The following SOX6 variants were observed in gnomAD, a reference collection of about 807,000 sequenced individuals.
The protein encoded by SOX6 is SRY-box transcription factor 6.
SOX6 carries 11 observed loss-of-function variants against 97.8 expected under a neutral mutation model. The observed-to-expected ratio is 0.11, with a 90% CI of 0.07 to 0.19. SOX6 has a LOEUF of 0.19. Among genes scored for constraint, SOX6 ranks in the 10% least tolerant of loss-of-function variants. SOX6 has a pLI of 1.00. For missense variants in SOX6, 810 were observed against 1,039.5 expected (o/e 0.78, Z 3.04); for synonymous variants, 360 against 371.4 (o/e 0.97, Z 0.35).
intron 3 of SOX6, among the ~76,000 whole-genome samples, chr11:16,711,170 T>G (rs905595254): frequency 2.6e-5 from 4 of 152,178 alleles, no homozygotes; most frequent in Admixed American, 6.5e-5. Flanking sequence ...CTCCAATCCA[T>G]TCTCCATACT....
chr11:16,637,540 T>G (rs1415554493), intron 3 of SOX6, among the ~76,000 whole-genome samples: 1 of 152,160 alleles, frequency 6.6e-6, no homozygotes, highest in African/African-American at 2.4e-5. Context: ...TCAAAATAAA[T>G]TTATTAAACT....
At chr11:16,255,451 A>T (rs924901947) in intron 3 of SOX6, among the ~76,000 whole-genome samples, 1 of 152,156 alleles carries the variant, frequency 6.6e-6, no homozygotes, top group African/African-American at 2.4e-5. Flanking sequence ...ACAGAATGAT[A>T]GCTGGAATAA....
At chr11:15,976,345 T>C (rs2119790041) in intron 15 of SOX6, among the ~76,000 whole-genome samples, 1 of 152,302 alleles carries the variant, frequency 6.6e-6, no homozygotes, top group South Asian at 2.1e-4. Context: ...CTAATTATTA[T>C]CACTGACATT....
At chr11:16,682,360 C>T (rs543481143) in intron 3 of SOX6, among the ~76,000 whole-genome samples, 6 of 152,280 alleles carry the variant, frequency 3.9e-5, no homozygotes, top group South Asian at 2.1e-4. Flanking sequence ...CAAACCAAAT[C>T]CAGCAGCATA....
chr11:16,318,377 T>G, intron 3 of SOX6, 69 bp downstream of exon 3: 1 of 1,559,100 alleles, frequency 6.4e-7, no homozygotes. Flanking sequence ...TCCCACTTTT[T>G]TTTTTTTTTT....
intron 3 of SOX6, among the ~76,000 whole-genome samples, chr11:16,673,857 A>G (rs1490210807): frequency 1.3e-5 from 2 of 152,306 alleles, no homozygotes; most frequent in African/African-American, 4.8e-5. Flanking sequence ...AGAATCCTCA[A>G]CAAAATACTG....
Position 16,146,456 on chromosome 11 carries a change from G to T in SOX6, c.778-34533C>A, listed in dbSNP as rs567220811. Reference sequence around the variant, plus strand: ...CATAGGCATGGGCAAGGACTTCATGGCTAAAACACCAAAAGCAATGGCAAC... The same window carrying T: ...CATAGGCATGGGCAAGGACTTCATGTCTAAAACACCAAAAGCAATGGCAAC... On this transcript the variant is annotated intron_variant, in intron 6 of 15. Coordinates refer to ENST00000683767, the MANE Select transcript of SOX6 (RefSeq NM_001367873.1). Among the ~76,000 whole-genome samples, 233 of 152,136 alleles carry T rather than the reference G, an allele frequency of 1.5e-3. 1 individual carries two copies. Among genetic ancestry groups the T allele is most frequent in the African/African-American group, 5.3e-3 (218 of 41,514 alleles).
chr11:16,142,000 G>A (rs1850156105), intron 6 of SOX6, among the ~76,000 whole-genome samples: 1 of 152,144 alleles, frequency 6.6e-6, no homozygotes, highest in Non-Finnish European at 1.5e-5. Flanking sequence ...GCTTTGAAGA[G>A]AGTAGTGGTT....
chr11:16,411,911 A>T (rs1590193458), intron 1 of SOX6, among the ~76,000 whole-genome samples: 1 of 152,330 alleles, frequency 6.6e-6, no homozygotes, highest in South Asian at 2.1e-4. Context: ...AAGGATTAAC[A>T]TATGAAAATG....
intron 1 of SOX6, among the ~76,000 whole-genome samples, chr11:16,452,011 TA>T (rs1254544839): frequency 2.7e-5 from 4 of 147,672 alleles, no homozygotes; most frequent in East Asian, 4.0e-4. Context: ...AATAAATAAA[TA>T]AAATAAAATT....
chr11:15,978,710 G>T (rs547208790), intron 15 of SOX6, among the ~76,000 whole-genome samples: 3 of 145,940 alleles, frequency 2.1e-5, no homozygotes, highest in Non-Finnish European at 4.5e-5. Flanking sequence ...TAAGCCCTTC[G>T]CTCCTAAATT....
intron 4 of SOX6, among the ~76,000 whole-genome samples, chr11:16,218,351 A>G (rs1398887711): frequency 2.0e-5 from 3 of 152,274 alleles, no homozygotes; most frequent in Non-Finnish European, 2.9e-5. Context: ...ACTAGTTACA[A>G]TACAAGCTAC....
chr11:16,186,556 A>G (rs1851482001), intron 5 of SOX6, among the ~76,000 whole-genome samples: 1 of 152,168 alleles, frequency 6.6e-6, no homozygotes. Context: ...ACAATGTATC[A>G]TTTTAGTTAT....
intron 3 of SOX6, among the ~76,000 whole-genome samples, chr11:16,289,663 T>G (rs1296337583): frequency 2.6e-5 from 4 of 151,856 alleles, no homozygotes; most frequent in Admixed American, 2.6e-4. Flanking sequence ...AATGACAAAC[T>G]CCTAGAAAAC....
At position 16,607,988 on chromosome 11, in the gene SOX6, G is replaced by T. The variant is rs1301591327; in HGVS notation, n.609+4093C>A. 6.6e-6 allele frequency among the ~76,000 whole-genome samples: 1 copy of T among 152,050 alleles called. No homozygotes were observed. Among genetic ancestry groups the T allele is most frequent in the African/African-American group, 2.4e-5 (1 of 41,388 alleles). ...ATCGGCGAGACCAGAGGTTGGAACT[G>T]GGGAAAGCGCCTGGAAAGAGACGGT... On this transcript the variant is annotated intron_variant and non_coding_transcript_variant, in intron 4 of 5. Coordinates refer to the SOX6 transcript ENST00000524520. The surrounding 1 kb of genome is among the most constrained non-coding windows in gnomAD (Gnocchi z 6.5).
intron 1 of SOX6, among the ~76,000 whole-genome samples, chr11:16,367,742 T>A (rs1343731471): frequency 2.0e-5 from 3 of 152,144 alleles, no homozygotes; most frequent in Admixed American, 6.6e-5. Context: ...AATGGCGCAA[T>A]GGCTAAAATT....
At chr11:16,737,531 A>AG (rs199958359) in intron 1 of SOX6, among the ~76,000 whole-genome samples, 28 of 152,032 alleles carry the variant, frequency 1.8e-4, no homozygotes, top group East Asian at 7.7e-4. Context: ...AAAAAAAAAA[A>AG]TCACATTTGT....
chr11:16,520,919 C>T (rs767539798), intron 4 of SOX6, among the ~76,000 whole-genome samples: 44 of 152,198 alleles, frequency 2.9e-4, no homozygotes, highest in Non-Finnish European at 4.6e-4. Context: ...GGCAGCGAGG[C>T]TGGGGGAGGG....
At chr11:16,007,129 C>G (rs4478958) in intron 13 of SOX6, among the ~76,000 whole-genome samples, 1 of 151,908 alleles carries the variant, frequency 6.6e-6, no homozygotes, top group Admixed American at 6.6e-5. Flanking sequence ...GAAATGAATC[C>G]TTTGGCAATT....
Sources: gnomAD v4.1 joint callset for allele counts (sites outside exome capture counted in the v4.1 genomes callset) on GRCh38, gnomAD v4.1.1 for gene constraint, Gnocchi (gnomAD v3.1) non-coding constraint, MANE v1.5 for transcripts, NCBI Gene and HGNC (gene_info 2026-07-23, HGNC 2026-07-21) for gene names.